Variants in DYNC2LI1 observed in about 807,000 individuals in gnomAD.
The protein encoded by DYNC2LI1 is dynein cytoplasmic 2 light intermediate chain 1, also known as cytoplasmic dynein 2 light intermediate chain 1.
A neutral mutation model predicts 51.9 loss-of-function variants in DYNC2LI1; 45 were observed. That is an observed-to-expected ratio of 0.87 (90% CI 0.68 to 1.11). The LOEUF is 1.11. DYNC2LI1 is among the 50% of genes most tolerant of loss of function. The pLI is 0.00. For synonymous variants in DYNC2LI1, 130 were observed against 137.8 expected, an observed-to-expected ratio of 0.94 and a Z score of 0.40; for missense variants, 490 against 417.4, an observed-to-expected ratio of 1.17 and a Z score of -1.51.
rs1206359396 is a variant in DYNC2LI1 at position 43,779,383 on chromosome 2, A to G, written c.126+2484A>G. On this transcript the variant is annotated intron_variant, in intron 2 of 12. Coordinates refer to ENST00000260605, the MANE Select transcript of DYNC2LI1 (RefSeq NM_016008.4). ...AATAGTAATCACCCTTTACCAAAGA[A>G]GCCCACTGCCCTGCTGCCTTCTCTT... 2.6e-5 allele frequency among the ~76,000 whole-genome samples: 4 copies of G among 152,262 alleles called. No homozygotes were observed. In the South Asian group the frequency reaches 6.2e-4, roughly 24 times the overall value.
downstream of DYNC2LI1, among the ~76,000 whole-genome samples, chr2:43,811,069 C>T (rs1666463896): frequency 6.6e-6 from 1 of 152,154 alleles, no homozygotes; most frequent in African/African-American, 2.4e-5. Flanking sequence ...GAATGAAATT[C>T]ATCTGCATAT....
chr2:43,827,950 C>G, the DYNC2LI1 span: 1 of 1,612,996 alleles, frequency 6.2e-7, no homozygotes, highest in Non-Finnish European at 8.5e-7. Flanking sequence ...GATGCCCAGA[C>G]AGCAGCTAGT....
the DYNC2LI1 span, among the ~76,000 whole-genome samples, chr2:43,827,745 A>C: frequency 6.6e-6 from 1 of 152,298 alleles, no homozygotes; most frequent in Non-Finnish European, 1.5e-5. Context: ...GGAACACTTC[A>C]ACACCAATGC....
intron 12 of DYNC2LI1, among the ~76,000 whole-genome samples, chr2:43,809,373 C>T (rs1445194204): frequency 6.6e-6 from 1 of 152,152 alleles, no homozygotes; most frequent in African/African-American, 2.4e-5. Context: ...AAAATAAGAT[C>T]ACTTTTGAAT....
At chr2:43,807,505 T>C (rs772113083) in intron 12 of DYNC2LI1, among the ~76,000 whole-genome samples, 5 of 151,948 alleles carry the variant, frequency 3.3e-5, no homozygotes, top group Admixed American at 6.6e-5. Flanking sequence ...AATGGGGAGA[T>C]CATGGCTCAC....
intron 12 of DYNC2LI1, among the ~76,000 whole-genome samples, chr2:43,806,380 A>T (rs1261520711): frequency 6.6e-6 from 1 of 152,214 alleles, no homozygotes; most frequent in Non-Finnish European, 1.5e-5. Flanking sequence ...AGTAGGAGCC[A>T]GGGTTTTTTT....
At chr2:43,807,824 C>T (rs1666325392) in intron 12 of DYNC2LI1, among the ~76,000 whole-genome samples, 1 of 135,854 alleles carries the variant, frequency 7.4e-6, no homozygotes, top group African/African-American at 2.7e-5. Flanking sequence ...CCACAGTTAT[C>T]TTCGGAAAAC....
In DYNC2LI1 at chr2:43,794,562, A is replaced by G; in HGVS notation, c.426A>G (p.Ile142Met). The G allele has an allele frequency of 1.2e-6, 2 of 1,614,130 alleles. No individual in the cohort carries two copies. Among genetic ancestry groups the G allele is most frequent in the Non-Finnish European group, 1.7e-6 (2 of 1,180,014 alleles). The change falls in exon 6 of 13, where the codon ATA becomes ATG. Residue 142 changes from isoleucine to methionine, a missense_variant. Physicochemically the swap from Ile to Met is conservative, Grantham distance 10. Transcript: ENST00000260605. ...QATKSHVDKV[I>M]MKLGKTNAKA... Reference sequence around the variant, plus strand: ...CAAAAAGCCATGTAGACAAAGTGATAATGAAACTGGGAAAGACAAATGCTA... The same window carrying G: ...CAAAAAGCCATGTAGACAAAGTGATGATGAAACTGGGAAAGACAAATGCTA...
chr2:43,813,055 C>T (rs930613012), downstream of DYNC2LI1: 20 of 776,698 alleles, frequency 2.6e-5, no homozygotes, highest in East Asian at 1.7e-4. Flanking sequence ...TCATTTCAGA[C>T]GTTCAGAGCA....
the DYNC2LI1 span, among the ~76,000 whole-genome samples, chr2:43,818,803 A>C: frequency 2.6e-5 from 4 of 152,172 alleles, no homozygotes; most frequent in Admixed American, 2.0e-4. Context: ...GCAATTTATA[A>C]TGTGTTTTCA....
Position 43,794,549 on chromosome 2 carries a change from T to C in DYNC2LI1, c.413T>C (p.Val138Ala). 2.5e-6 allele frequency: 4 copies of C among 1,614,116 alleles called. No homozygotes were observed. The highest frequency in any genetic ancestry group is 3.4e-6 in the Non-Finnish European group (4 of 1,180,004). Residue 138 changes from valine to alanine, a missense_variant, in exon 6 of 13, where the codon GTA becomes GCA. Physicochemically the swap from Val to Ala is moderately conservative, Grantham distance 64. Transcript: ENST00000260605. ...ENLLQATKSH[V>A]DKVIMKLGKT... is the part of the protein sequence containing the mutation. The stretch of plus-strand genomic sequence containing the variant: ...CTCTTGCAAGCCACAAAAAGCCATG[T>C]AGACAAAGTGATAATGAAACTGGGA...
the DYNC2LI1 span, chr2:43,824,233 C>T: frequency 6.2e-7 from 1 of 1,614,206 alleles, no homozygotes. Flanking sequence ...GGAGAACACC[C>T]AGTTTAGAGA....
chr2:43,815,586 T>C, the DYNC2LI1 span, among the ~76,000 whole-genome samples: 2 of 152,136 alleles, frequency 1.3e-5, no homozygotes, highest in Non-Finnish European at 2.9e-5. Context: ...AGGTTGCTAA[T>C]TGAAAAGGAT....
chr2:43,778,405 C>G (rs1175778104), intron 2 of DYNC2LI1, among the ~76,000 whole-genome samples: 2 of 152,172 alleles, frequency 1.3e-5, no homozygotes. Flanking sequence ...CCACCCATCT[C>G]AGCCTCCTAG....
chr2:43,788,697 G>A (rs1051305928), intron 4 of DYNC2LI1, among the ~76,000 whole-genome samples: 2 of 152,072 alleles, frequency 1.3e-5, no homozygotes, highest in African/African-American at 4.8e-5. Context: ...ATAGCTCATG[G>A]CAGCCTCAAA....
chr2:43,823,918 T>G, the DYNC2LI1 span: 1 of 1,614,062 alleles, frequency 6.2e-7, no homozygotes, highest in East Asian at 2.2e-5. Flanking sequence ...CTTACACAGA[T>G]TCACAGCGTT....
At chr2:43,805,330 C>G (rs1666210727) in intron 12 of DYNC2LI1, 84 bp downstream of exon 12, 5 of 789,714 alleles carry the variant, frequency 6.3e-6, no homozygotes, top group Non-Finnish European at 1.1e-5. Flanking sequence ...ACATTTTTCT[C>G]TATGTATTTA....
chr2:43,783,706 G>A (rs544007066), intron 3 of DYNC2LI1, 152 bp downstream of exon 3: 123 of 492,416 alleles, frequency 2.5e-4, no homozygotes, highest in African/African-American at 1.7e-3. Context: ...CTTTAAGAGC[G>A]CCTTTAAATA....
rs1376130346 is a variant in DYNC2LI1 at position 43,796,703 on chromosome 2, A to G, written c.577-15A>G. The stretch of plus-strand genomic sequence containing the variant: ...TTTGGTTATCTTGACTTTTTAAAAT[A>G]ACATATTTCTACAGGATTTTGAGTC... On this transcript the variant is annotated splice_polypyrimidine_tract_variant and intron_variant, in intron 7 of 12. Coordinates refer to ENST00000260605, the MANE Select transcript of DYNC2LI1 (RefSeq NM_016008.4). 2 of 1,591,638 alleles carry G rather than the reference A, an allele frequency of 1.3e-6. No homozygotes were observed. Among genetic ancestry groups the G allele is most frequent in the Non-Finnish European group, 1.7e-6 (2 of 1,160,408 alleles).
Sources: gnomAD v4.1 joint callset for allele counts (sites outside exome capture counted in the v4.1 genomes callset) on GRCh38, gnomAD v4.1.1 for gene constraint, MANE v1.5 for transcripts, NCBI Gene and HGNC (gene_info 2026-07-23, HGNC 2026-07-21) for gene names.